The following NCOA6 variants were observed in gnomAD, a reference collection of about 807,000 sequenced individuals.
NCOA6 encodes NRC RAP250.
Under a neutral mutation model 171.4 loss-of-function variants are expected in NCOA6, and 49 were observed. The ratio of observed to expected loss-of-function variants is 0.29; its 90% CI spans 0.23 to 0.36. The LOEUF is 0.36. Ranked by LOEUF, NCOA6 falls within the 10% of genes least tolerant of loss-of-function variation. The pLI, the probability that NCOA6 is intolerant of heterozygous loss-of-function variation, is 1.00. For missense variants in NCOA6, 2,248 were observed against 2,554.5 expected, an observed-to-expected ratio of 0.88 and a Z score of 2.59; for synonymous variants, 910 against 927.5, an observed-to-expected ratio of 0.98 and a Z score of 0.34.
chr20:34,742,068 C>G lies in NCOA6; in HGVS notation c.4188G>C (p.Leu1396=). The change falls in exon 11 of 15, where the codon CTG becomes CTC. Residue 1396 remains leucine, a synonymous_variant. Coordinates refer to ENST00000359003, the MANE Select transcript of NCOA6 (RefSeq NM_014071.5). ...CAGACACAGTAGAATTCTGAGGATTCAGCCCACTGTTGTTAGGAAAGCTCC... is the reference window on the plus strand; with the variant it reads ...CAGACACAGTAGAATTCTGAGGATTGAGCCCACTGTTGTTAGGAAAGCTCC... ...VPGSFPNNSG[L]NPQNSTVSVA... The G allele has an allele frequency of 6.2e-7, 1 of 1,614,180 alleles. No homozygotes were observed. The highest frequency in any genetic ancestry group is 8.5e-7 in the Non-Finnish European group (1 of 1,180,024).
At chr20:34,756,383 A>C (rs2076641581) in intron 7 of NCOA6, among the ~76,000 whole-genome samples, 1 of 152,222 alleles carries the variant, frequency 6.6e-6, no homozygotes, top group African/African-American at 2.4e-5. Flanking sequence ...TGTTGCACTA[A>C]AGATGCAAGG....
Position 34,736,676 on chromosome 20 carries a change from A to G in NCOA6, c.5962+14T>C. 6.3e-7 allele frequency: 1 copy of G among 1,594,586 alleles called. No homozygotes were observed. The highest frequency in any genetic ancestry group is 1.1e-5 in the South Asian group (1 of 87,670). ...CCATCCCACTCCAAGAAGTTTTTCC[A>G]AAGTACGCCTTACCTGGTCTGGCAA... On this transcript the variant is annotated intron_variant, in intron 12 of 14. Transcript: ENST00000359003.
At chr20:34,726,515 G>C (rs1989970258) in intron 14 of NCOA6, among the ~76,000 whole-genome samples, 2 of 152,228 alleles carry the variant, frequency 1.3e-5, no homozygotes, top group South Asian at 4.2e-4. Flanking sequence ...GCTGGGCGTG[G>C]TGGCTCAGCC....
chr20:34,746,754 G>A (rs2076315685), intron 10 of NCOA6, 53 bp downstream of exon 10: 1 of 1,500,584 alleles, frequency 6.7e-7, no homozygotes, highest in Admixed American at 2.0e-5. Context: ...TGGAAGCCTT[G>A]TAATGCCACA....
chr20:34,734,518 A>C (rs1214781867), intron 12 of NCOA6, among the ~76,000 whole-genome samples: 2 of 151,870 alleles, frequency 1.3e-5, no homozygotes, highest in Non-Finnish European at 2.9e-5. Flanking sequence ...TAATTTTTAA[A>C]AATTTTTTGT....
At chr20:34,773,424 G>A (rs1309178438) in intron 4 of NCOA6, among the ~76,000 whole-genome samples, 2 of 152,182 alleles carry the variant, frequency 1.3e-5, no homozygotes, top group East Asian at 1.9e-4. Context: ...CAGCAGACAC[G>A]ATAGTGGCAA....
At position 34,727,324 on chromosome 20, in the gene NCOA6, T is replaced by C. The variant is rs755373050; in HGVS notation, c.6083A>G (p.Glu2028Gly). 1.9e-6 allele frequency: 3 copies of C among 1,614,066 alleles called. No individual in the cohort carries two copies. Among genetic ancestry groups the C allele is most frequent in the Non-Finnish European group, 2.5e-6 (3 of 1,180,056 alleles). ...SRTEEPTVAS[E>G]SVENGHRKRS... is the part of the protein sequence containing the mutation. ...TTTACGATGTCCATTTTCCACACTTTCAGAGGCCACAGTTGGCTCTTCAGT... is the reference window on the plus strand; with the variant it reads ...TTTACGATGTCCATTTTCCACACTTCCAGAGGCCACAGTTGGCTCTTCAGT... Residue 2028 changes from glutamate (E) to glycine (G), a missense_variant, in exon 14 of 15, where the codon GAA becomes GGA. Physicochemically the swap from Glu to Gly is moderately conservative, Grantham distance 98. Around this residue, in one of 7 missense-constraint regions of NCOA6, gnomAD observed 884 missense variants for 941.9 expected, o/e 0.94. Transcript: ENST00000359003.
chr20:34,787,867 ATTT>A (rs754273371), intron 2 of NCOA6, among the ~76,000 whole-genome samples: 2 of 142,218 alleles, frequency 1.4e-5, no homozygotes, highest in Non-Finnish European at 1.5e-5. Flanking sequence ...TTTATACCTA[ATTT>A]TTTTTTTTTT....
intron 1 of NCOA6, among the ~76,000 whole-genome samples, chr20:34,815,238 T>C (rs1601153951): frequency 6.8e-6 from 1 of 146,674 alleles, no homozygotes; most frequent in South Asian, 2.1e-4. Context: ...CCAGGTGAGG[T>C]GGTGAACACC....
chr20:34,776,505 G>A (rs1413000803), intron 3 of NCOA6, 57 bp from the exon 4 acceptor site: 1 of 1,586,856 alleles, frequency 6.3e-7, no homozygotes, highest in Admixed American at 1.7e-5. Flanking sequence ...CAGAGGAGAT[G>A]GAATTAAAAA....
At chr20:34,776,633 G>T in intron 3 of NCOA6, 185 bp from the exon 4 acceptor site, 1 of 719,832 alleles carries the variant, frequency 1.4e-6, no homozygotes, top group Non-Finnish European at 2.4e-6. Flanking sequence ...GCACCTGGGT[G>T]ACCATGAACG....
chr20:34,815,466 G>C (rs1286488471), intron 1 of NCOA6, among the ~76,000 whole-genome samples: 1 of 151,908 alleles, frequency 6.6e-6, no homozygotes, highest in Non-Finnish European at 1.5e-5. Context: ...AATTCTATTT[G>C]TTATTTTAAA....
chr20:34,738,675 C>A (rs954641383), intron 11 of NCOA6, among the ~76,000 whole-genome samples: 3 of 152,232 alleles, frequency 2.0e-5, no homozygotes, highest in African/African-American at 4.8e-5. Context: ...CAGAGCTCTG[C>A]GTGAGGCAGT....
intron 1 of NCOA6, among the ~76,000 whole-genome samples, chr20:34,811,180 T>TAACAAC (rs372894099): frequency 1.8e-5 from 2 of 109,500 alleles, no homozygotes; most frequent in Non-Finnish European, 3.6e-5. Flanking sequence ...AAGGACTATT[T>TAACAAC]AACAACAACA....
intron 14 of NCOA6, among the ~76,000 whole-genome samples, chr20:34,720,185 A>G (rs748090012): frequency 6.6e-6 from 1 of 152,272 alleles, no homozygotes; most frequent in Non-Finnish European, 1.5e-5. Context: ...ATGGAGGAGT[A>G]AATAATGATA....
intron 1 of NCOA6, among the ~76,000 whole-genome samples, chr20:34,825,168 C>G (rs1310637136): frequency 6.6e-6 from 1 of 152,040 alleles, no homozygotes; most frequent in African/African-American, 2.4e-5. Context: ...CCGGCCAGCC[C>G]TGCACTCCCT....
chr20:34,750,138 T>A lies in NCOA6; in HGVS notation c.2057A>T (p.Gln686Leu), dbSNP rs1339307627. ...TGGCGCCATCATTTGTGGGCCCTGC[T>A]GGGAAAGCATCTGCTTGGGTGGGGT... The part of the protein sequence containing the change: ...RMTPPKQMLS[Q>L]QGPQMMAPHN... Residue 686 changes from glutamine to leucine, a missense_variant, in exon 9 of 15, where the codon CAG (glutamine) becomes CTG (leucine). By Grantham distance (113) the Gln-to-Leu change is moderately radical. Coordinates refer to ENST00000359003, the MANE Select transcript of NCOA6 (RefSeq NM_014071.5). 1 of 1,614,006 alleles carries A rather than the reference T, an allele frequency of 6.2e-7. No individual in the cohort carries two copies. The highest frequency in any genetic ancestry group is 8.5e-7 in the Non-Finnish European group (1 of 1,179,952).
chr20:34,767,101 A>G (rs2077003228), intron 5 of NCOA6, among the ~76,000 whole-genome samples: 1 of 152,178 alleles, frequency 6.6e-6, no homozygotes, highest in Non-Finnish European at 1.5e-5. Flanking sequence ...AATGTTTGCT[A>G]CACTGCTCAG....
At chr20:34,818,807 G>A (rs978717408) in intron 1 of NCOA6, among the ~76,000 whole-genome samples, 1 of 152,152 alleles carries the variant, frequency 6.6e-6, no homozygotes, top group African/African-American at 2.4e-5. Context: ...AGAATACATG[G>A]TAGGGCTCAA....
Sources: gnomAD v4.1 joint callset for allele counts (sites outside exome capture counted in the v4.1 genomes callset) on GRCh38, gnomAD v4.1.1 for gene constraint, gnomAD v4.1.1 regional missense constraint, MANE v1.5 for transcripts, NCBI Gene and HGNC (gene_info 2026-07-23, HGNC 2026-07-21) for gene names.